MTUS2: variants seen among roughly 807,000 people sequenced by gnomAD.
MTUS2 encodes microtubule-associated tumor suppressor candidate 2.
MTUS2 carries 40 observed loss-of-function variants against 114.1 expected under a neutral mutation model. That is an observed-to-expected ratio of 0.35 (90% CI 0.27 to 0.46). The LOEUF (loss-of-function observed/expected upper bound fraction) is 0.46. Among genes scored for constraint, MTUS2 ranks in the 20% least tolerant of loss-of-function variants. MTUS2 has a pLI of 1.00. For missense variants in MTUS2, 1,679 were observed against 1,705.4 expected, an observed-to-expected ratio of 0.98 and a Z score of 0.27; for synonymous variants, 688 against 672.0, an observed-to-expected ratio of 1.02 and a Z score of -0.37.
chr13:28,839,505 T>C (rs1340107501), intron 1 of MTUS2, among the ~76,000 whole-genome samples: 7 of 152,140 alleles, frequency 4.6e-5, no homozygotes, highest in African/African-American at 1.7e-4. Context: ...GGGATTAATA[T>C]AGAAAGAAAA....
chr13:29,324,002 G>A (rs1038774509), intron 6 of MTUS2, among the ~76,000 whole-genome samples: 5 of 152,182 alleles, frequency 3.3e-5, no homozygotes, highest in African/African-American at 1.2e-4. Flanking sequence ...ACTGTGCCCT[G>A]GGTATTGCTG....
intron 2 of MTUS2, among the ~76,000 whole-genome samples, chr13:28,910,918 C>CAGAGTGGA (rs1215017167): frequency 1.8e-5 from 2 of 108,182 alleles, no homozygotes; most frequent in Admixed American, 1.5e-4. Context: ...CTCTGTTGTG[C>CAGAGTGGA]AGACTGGAGT....
chr13:29,033,138 A>G (rs2138517680), intron 3 of MTUS2, among the ~76,000 whole-genome samples: 1 of 152,322 alleles, frequency 6.6e-6, no homozygotes, highest in South Asian at 2.1e-4. Flanking sequence ...ATAAATATTT[A>G]TTGACTTTAG....
At chr13:29,226,798 C>T (rs1896123683) in intron 5 of MTUS2, among the ~76,000 whole-genome samples, 1 of 152,146 alleles carries the variant, frequency 6.6e-6, no homozygotes, top group Non-Finnish European at 1.5e-5. Context: ...AATAGCCATA[C>T]ATGTAAGCTT....
chr13:29,086,486 T>G (rs1393276709), intron 4 of MTUS2, among the ~76,000 whole-genome samples: 3 of 152,130 alleles, frequency 2.0e-5, no homozygotes, highest in Admixed American at 1.3e-4. Flanking sequence ...GTCTGTGTGT[T>G]TGTTTTTGTA....
chr13:28,939,104 T>G (rs1339972183), intron 2 of MTUS2, among the ~76,000 whole-genome samples: 2 of 152,250 alleles, frequency 1.3e-5, no homozygotes, highest in African/African-American at 4.8e-5. Context: ...TCCATTTCAG[T>G]TTCCTCTCAA....
At position 28,950,384 on chromosome 13, in the gene MTUS2, C is replaced by T. The variant is rs181179572; in HGVS notation, c.-242-74073C>T. Among the ~76,000 whole-genome samples, 17 of 152,238 alleles carry T rather than the reference C, an allele frequency of 1.1e-4. No individual in the cohort carries two copies. In the East Asian group the frequency reaches 3.1e-3, roughly 28 times the overall value. ...GATATGTGATTCGCAAATGTTTTTT[C>T]CCATTCAATAGGTTACCGTTTCACT... On this transcript the variant is annotated intron_variant, in intron 2 of 15. Transcript: ENST00000612955.
At chr13:29,216,350 C>T (rs1391832521) in intron 5 of MTUS2, among the ~76,000 whole-genome samples, 1 of 152,212 alleles carries the variant, frequency 6.6e-6, no homozygotes, top group Non-Finnish European at 1.5e-5. Context: ...CACTTGGCTC[C>T]CTGACTTCAG....
At chr13:29,203,884 C>T (rs773800735) in intron 5 of MTUS2, among the ~76,000 whole-genome samples, 3 of 152,166 alleles carry the variant, frequency 2.0e-5, no homozygotes, top group Non-Finnish European at 2.9e-5. Context: ...GTGAGATGAG[C>T]CTTGTACCTA....
intron 8 of MTUS2, among the ~76,000 whole-genome samples, chr13:29,438,588 C>G (rs1051948492): frequency 5.9e-5 from 9 of 152,100 alleles, no homozygotes; most frequent in Non-Finnish European, 1.2e-4. Flanking sequence ...CCCTCATGAC[C>G]TGATCACTTC....
intron 5 of MTUS2, among the ~76,000 whole-genome samples, chr13:29,192,203 T>C (rs1001489277): frequency 6.6e-6 from 1 of 152,222 alleles, no homozygotes; most frequent in South Asian, 2.1e-4. Flanking sequence ...TCTGAGACTT[T>C]TTTATTAGAA....
intron 6 of MTUS2, among the ~76,000 whole-genome samples, chr13:29,302,511 C>T (rs1219813645): frequency 3.9e-5 from 6 of 152,204 alleles, no homozygotes; most frequent in Admixed American, 3.9e-4. Context: ...GGAATTCCAT[C>T]CATACATATC....
At chr13:29,452,764 G>A (rs1356229116) in intron 9 of MTUS2, among the ~76,000 whole-genome samples, 1 of 151,966 alleles carries the variant, frequency 6.6e-6, no homozygotes, top group Non-Finnish European at 1.5e-5. Context: ...TTTTAAATCT[G>A]TGAGTTTAAT....
At chr13:28,894,871 T>C (rs1287326191) in intron 2 of MTUS2, among the ~76,000 whole-genome samples, 1 of 152,228 alleles carries the variant, frequency 6.6e-6, no homozygotes, top group East Asian at 1.9e-4. Context: ...ACTAGCTTCA[T>C]GTAGAAATAT....
chr13:29,204,807 C>T (rs937383482), intron 5 of MTUS2, among the ~76,000 whole-genome samples: 14 of 152,216 alleles, frequency 9.2e-5, no homozygotes, highest in Non-Finnish European at 1.3e-4. Flanking sequence ...TGACCATTGG[C>T]CTCAGAACAC....
At chr13:29,257,779 C>A (rs1322019782) in intron 5 of MTUS2, among the ~76,000 whole-genome samples, 1 of 152,162 alleles carries the variant, frequency 6.6e-6, no homozygotes, top group Non-Finnish European at 1.5e-5. Context: ...ACCCATTTTG[C>A]AGATGAGGAG....
chr13:29,334,086 G>C (rs966890190), intron 7 of MTUS2, among the ~76,000 whole-genome samples: 14 of 151,894 alleles, frequency 9.2e-5, no homozygotes, highest in African/African-American at 3.4e-4. Flanking sequence ...CCTGTGTTTT[G>C]AGCCTATGTG....
intron 9 of MTUS2, among the ~76,000 whole-genome samples, chr13:29,467,850 C>T (rs527740020): frequency 1.3e-5 from 2 of 152,338 alleles, no homozygotes; most frequent in South Asian, 4.1e-4. Flanking sequence ...CGCAGTGGCT[C>T]ACGCCTGTAA....
intron 2 of MTUS2, among the ~76,000 whole-genome samples, chr13:28,980,682 T>C (rs1884320420): frequency 2.6e-5 from 4 of 152,244 alleles, no homozygotes; most frequent in Non-Finnish European, 5.9e-5. Context: ...TATAGGAATA[T>C]CTGTAGGATA....
Sources: allele counts gnomAD v4.1 joint callset (sites outside exome capture counted in the v4.1 genomes callset), GRCh38; gene constraint gnomAD v4.1.1; transcripts MANE v1.5; gene names NCBI Gene and HGNC (gene_info 2026-07-23, HGNC 2026-07-21).